The following WDR37 variants were observed in gnomAD, a reference collection of about 807,000 sequenced individuals.
WDR37 encodes the protein WD repeat-containing protein 37.
Under a neutral mutation model 62.9 loss-of-function variants are expected in WDR37, and 19 were observed. That is an observed-to-expected ratio of 0.30 (90% confidence interval 0.21 to 0.44). The LOEUF is 0.44. Among genes scored for constraint, WDR37 ranks in the 20% least tolerant of loss-of-function variants. WDR37 has a pLI of 1.00. For synonymous variants in WDR37, 250 were observed against 260.9 expected, an observed-to-expected ratio of 0.96 and a Z score of 0.40; for missense variants, 474 against 657.6, an observed-to-expected ratio of 0.72 and a Z score of 3.05.
At chr10:1,063,718 CTG>C (rs1182979753) in intron 1 of WDR37, among the ~76,000 whole-genome samples, 1 of 152,270 alleles carries the variant, frequency 6.6e-6, no homozygotes, top group East Asian at 1.9e-4. Context: ...GTGGGGGAGA[CTG>C]TATAGGGAGC....
chr10:1,127,305 T>C (rs1835820198), intron 13 of WDR37, among the ~76,000 whole-genome samples: 1 of 152,214 alleles, frequency 6.6e-6, no homozygotes, highest in African/African-American at 2.4e-5. Context: ...TGTTGTAGGA[T>C]TCTGTTGTGC....
chr10:1,076,403 C>T (rs1480311078), intron 2 of WDR37, among the ~76,000 whole-genome samples: 5 of 152,010 alleles, frequency 3.3e-5, no homozygotes, highest in South Asian at 2.1e-4. Flanking sequence ...AACTCGGCCA[C>T]GCGCGGTGGC....
chr10:1,074,517 C>T (rs1833809842), intron 2 of WDR37: 1 of 1,304,092 alleles, frequency 7.7e-7, no homozygotes, highest in African/African-American at 1.5e-5. Flanking sequence ...CTGTAAGTGG[C>T]CCCCGTGAGG....
intron 1 of WDR37, among the ~76,000 whole-genome samples, chr10:1,068,924 A>G (rs1833637118): frequency 6.6e-6 from 1 of 152,252 alleles, no homozygotes. Context: ...TAAGTGAAAG[A>G]AGCTGGTTGT....
chr10:1,115,593 C>A (rs1170506569), intron 11 of WDR37, among the ~76,000 whole-genome samples: 1 of 152,228 alleles, frequency 6.6e-6, no homozygotes, highest in Non-Finnish European at 1.5e-5. Context: ...GTTTTAATTG[C>A]ACCTGAACTT....
rs1835589375 is a variant in WDR37, at chr10:1,121,789, A to G, written c.1104-2429A>G. Among the ~76,000 whole-genome samples, 1 of 152,192 alleles carries G rather than the reference A, an allele frequency of 6.6e-6. No homozygotes were observed. Among genetic ancestry groups the G allele is most frequent in the Non-Finnish European group, 1.5e-5 (1 of 68,020 alleles). Reference sequence around the variant, plus strand: ...CCTAGCGGGGGAATAAGTGTCAGCAATCCACACCGCAGCTGTGGGCACCAC... The same window carrying G: ...CCTAGCGGGGGAATAAGTGTCAGCAGTCCACACCGCAGCTGTGGGCACCAC... On this transcript the variant is annotated intron_variant, in intron 11 of 13. Coordinates refer to ENST00000263150, the MANE Select transcript of WDR37 (RefSeq NM_014023.4). The surrounding 1 kb of genome is among the most constrained non-coding windows in gnomAD (Gnocchi z 4.5).
intron 1 of WDR37, among the ~76,000 whole-genome samples, chr10:1,069,064 T>G (rs1381087008): frequency 6.6e-6 from 1 of 151,686 alleles, no homozygotes; most frequent in Non-Finnish European, 1.5e-5. Context: ...AAATGAGGAG[T>G]GAGGGCAAAT....
At chr10:1,095,972 A>G (rs893754019) in intron 8 of WDR37, among the ~76,000 whole-genome samples, 198 bp from the exon 9 acceptor site, 6 of 152,196 alleles carry the variant, frequency 3.9e-5, no homozygotes, top group African/African-American at 1.4e-4. Context: ...TATTTCCTCA[A>G]TTTTGGACAT....
intron 6 of WDR37, 128 bp downstream of exon 6, chr10:1,084,666 C>T: frequency 7.5e-7 from 1 of 1,333,802 alleles, no homozygotes; most frequent in Non-Finnish European, 1.0e-6. Context: ...GTCAGTGGAA[C>T]CCCCCACACA....
Position 1,078,429 on chromosome 10 carries a change from G to A in WDR37, c.235+426G>A, listed in dbSNP as rs138940647. Among the ~76,000 whole-genome samples, 22 of 152,182 alleles carry A rather than the reference G, an allele frequency of 1.4e-4. No homozygotes were observed. The East Asian group carries it at 3.7e-3, about 25-fold the overall frequency. On this transcript the variant is annotated intron_variant, in intron 3 of 13. Coordinates refer to ENST00000263150, the MANE Select transcript of WDR37 (RefSeq NM_014023.4). ...TTTATTTTGGAAGTAATGGCCATAT[G>A]TGCTTAAAAATTTATCAGACAGTAT... is the stretch of plus-strand genomic sequence containing the variant.
At chr10:1,124,472 C>T in intron 12 of WDR37, 120 bp downstream of exon 12, 3 of 1,390,476 alleles carry the variant, frequency 2.2e-6, no homozygotes, top group Non-Finnish European at 3.0e-6. Flanking sequence ...GGTTTAGGCT[C>T]CTTTGTCCTC....
At chr10:1,087,638 A>G (rs1834245135) in intron 7 of WDR37, among the ~76,000 whole-genome samples, 1 of 152,126 alleles carries the variant, frequency 6.6e-6, no homozygotes, top group South Asian at 2.1e-4. Context: ...TAAAATACTC[A>G]GTCAACAATG....
chr10:1,129,507 A>G lies in WDR37; in HGVS notation c.*163A>G, dbSNP rs1835910818. The G allele has an allele frequency of 9.0e-7, 1 of 1,105,938 alleles. No individual in the cohort carries two copies. The highest frequency in any genetic ancestry group is 2.9e-5 in the Admixed American group (1 of 34,316). 68.5% of individuals were successfully genotyped at this position (1,105,938 alleles called of 1,614,324 possible). On this transcript the variant is annotated 3_prime_UTR_variant, in exon 14 of 14. Coordinates refer to ENST00000263150, the MANE Select transcript of WDR37 (RefSeq NM_014023.4). ...TGCCCAGCTTGCATGAAATGTACAG[A>G]GAAATGTGTGGTCGTATTTTTTACT... is the stretch of plus-strand genomic sequence containing the variant.
At chr10:1,065,195 C>T (rs902320251) in intron 1 of WDR37, among the ~76,000 whole-genome samples, 1 of 152,096 alleles carries the variant, frequency 6.6e-6, no homozygotes. Flanking sequence ...GAATTTGAAG[C>T]ATAACCGTGG....
Position 1,103,769 on chromosome 10 carries a change from T to A in WDR37, c.894T>A (p.Thr298=). ...TGGTTGGGGGGAAGCAGGCTGTGAC[T>A]GCCTCCTGGGACCGGACGGCAAACC... ...DWLVGGKQAV[T]ASWDRTANLY... The change falls in exon 10 of 14, where the codon ACT becomes ACA. Residue 298 remains threonine (T), a synonymous_variant. Transcript: ENST00000263150. The surrounding 1 kb of genome is among the most constrained non-coding windows in gnomAD (Gnocchi z 6.3). The A allele has an allele frequency of 6.2e-7, 1 of 1,614,240 alleles. No homozygotes were observed. The highest frequency in any genetic ancestry group is 8.5e-7 in the Non-Finnish European group (1 of 1,180,046).
chr10:1,068,948 G>A (rs996835930), intron 1 of WDR37, among the ~76,000 whole-genome samples: 7 of 152,202 alleles, frequency 4.6e-5, no homozygotes, highest in South Asian at 2.1e-4. Flanking sequence ...AGACCAGAGC[G>A]TATGTTGTAT....
chr10:1,106,239 G>A (rs1317873979), intron 11 of WDR37, among the ~76,000 whole-genome samples: 5 of 152,006 alleles, frequency 3.3e-5, no homozygotes, highest in South Asian at 2.1e-4. Context: ...TCTGTTCCCC[G>A]TTCCCCCATC....
At chr10:1,073,024 G>A (rs985832568) in intron 2 of WDR37, among the ~76,000 whole-genome samples, 14 of 152,088 alleles carry the variant, frequency 9.2e-5, no homozygotes, top group African/African-American at 2.7e-4. Context: ...TGTCTCTGCC[G>A]CCATGAGTAT....
intron 5 of WDR37, among the ~76,000 whole-genome samples, chr10:1,080,903 C>T (rs1834006710): frequency 2.0e-5 from 3 of 148,708 alleles, no homozygotes; most frequent in Admixed American, 2.0e-4. Flanking sequence ...GAGATTCCGA[C>T]TCCAAAAAAA....
Sources: gnomAD v4.1 joint callset for allele counts (sites outside exome capture counted in the v4.1 genomes callset) on GRCh38, gnomAD v4.1.1 for gene constraint, Gnocchi (gnomAD v3.1) non-coding constraint, MANE v1.5 for transcripts, NCBI Gene and HGNC (gene_info 2026-07-23, HGNC 2026-07-21) for gene names.